The following WRNIP1 variants were observed in gnomAD, a reference collection of about 807,000 sequenced individuals.
WRNIP1 encodes WRN helicase interacting protein 1, also known as ATPase WRNIP1.
WRNIP1 carries 41 observed loss-of-function variants against 56.1 expected under a neutral mutation model. The observed-to-expected ratio is 0.73, with a 90% CI of 0.57 to 0.95. The LOEUF (loss-of-function observed/expected upper bound fraction) is 0.95, where lower values mean the gene tolerates loss of function less well. WRNIP1 is among the 40% of genes least tolerant of loss of function. WRNIP1 has a pLI of 0.00. For synonymous variants in WRNIP1, 547 were observed against 398.1 expected (o/e 1.37, Z -4.45); for missense variants, 1,170 against 939.4 (o/e 1.25, Z -3.21).
At chr6:2,781,986 G>T (rs942399244) in intron 4 of WRNIP1, among the ~76,000 whole-genome samples, 1 of 152,238 alleles carries the variant, frequency 6.6e-6, no homozygotes, top group African/African-American at 2.4e-5. Flanking sequence ...TATACTGGTG[G>T]TATTGCCCCT....
chr6:2,779,539 G>A (rs1206979677), intron 4 of WRNIP1, 47 bp downstream of exon 4: 1 of 1,564,526 alleles, frequency 6.4e-7, no homozygotes, highest in Non-Finnish European at 8.7e-7. Flanking sequence ...GGAAAGAAGT[G>A]TGTGCACACA....
chr6:2,772,998 G>A, intron 3 of WRNIP1: 1 of 985,398 alleles, frequency 1.0e-6, no homozygotes, highest in East Asian at 1.1e-4. Context: ...ATAGCAACTA[G>A]AACATTTACA....
rs767042367 is a variant in WRNIP1 at position 2,770,151 on chromosome 6, C to T, written c.1046C>T (p.Thr349Met). The T allele has an allele frequency of 8.1e-6, 13 of 1,614,088 alleles. No individual in the cohort carries two copies. The highest frequency in any genetic ancestry group is 5.3e-5 in the African/African-American group (4 of 74,942). ...DTFLPHVECGTITLIGATTEN... is the reference protein window; with the variant it reads ...DTFLPHVECGMITLIGATTEN... ...TTCCTTCCTCACGTGGAATGTGGGA[C>T]GATCACTCTGATTGGGGCAACCACT... Residue 349 changes from threonine to methionine, a missense_variant, in exon 3 of 7, where the codon ACG becomes ATG. Transcript: ENST00000380773.
In WRNIP1 at chr6:2,773,607, G is replaced by A. The variant is rs1369361489; in HGVS notation, c.1256+3246G>A. 3.0e-6 allele frequency: 3 copies of A among 985,296 alleles called. No individual in the cohort carries two copies. The East Asian group carries it at 3.4e-4, about 112-fold the overall frequency. The allele number at this position is 985,296 out of a possible 1,614,324, so 61.0% of individuals were successfully genotyped here. On this transcript the variant is annotated intron_variant, in intron 3 of 6. Coordinates refer to ENST00000380773, the MANE Select transcript of WRNIP1 (RefSeq NM_020135.3). ...ATTCTGTCTGCTCTGGGTTAATTTT[G>A]GAGGCCAGGAAAAAAATGTCCATGA...
At chr6:2,779,157 T>G in intron 3 of WRNIP1, 106 bp from the exon 4 acceptor site, 3 of 1,197,590 alleles carry the variant, frequency 2.5e-6, no homozygotes, top group South Asian at 2.8e-5. Context: ...GCAAAGGCCT[T>G]GAACTCTTCA....
chr6:2,766,243 C>A lies in WRNIP1; in HGVS notation c.621C>A (p.Arg207=), dbSNP rs998069588. Reference sequence around the variant, plus strand: ...CCTTCGGGGCCAGTGGCGGGGGCCGCCCGCACCCCCGGGCGCTGGCTGCCG... The same window carrying A: ...CCTTCGGGGCCAGTGGCGGGGGCCGACCGCACCCCCGGGCGCTGGCTGCCG... ...ATAFGASGGG[R]PHPRALAAEE... The change falls in exon 1 of 7, where the codon CGC becomes CGA. Residue 207 remains arginine, a synonymous_variant. Coordinates refer to ENST00000380773, the MANE Select transcript of WRNIP1 (RefSeq NM_020135.3). 4 of 1,489,140 alleles carry A rather than the reference C, an allele frequency of 2.7e-6. No homozygotes were observed. 92.2% of individuals were successfully genotyped at this position (1,489,140 alleles called of 1,614,324 possible). A position where few individuals can be genotyped will look rare whatever the true frequency, so the allele number is the denominator to read the frequency against.
At chr6:2,766,506 T>C in intron 1 of WRNIP1, 62 bp downstream of exon 1, 1 of 1,439,752 alleles carries the variant, frequency 6.9e-7, no homozygotes. Flanking sequence ...CAGCTGATGG[T>C]CGGAGAGCCG....
At chr6:2,774,370 G>A (rs918153288) in intron 3 of WRNIP1, 10 of 787,696 alleles carry the variant, frequency 1.3e-5, no homozygotes, top group African/African-American at 1.9e-5. Flanking sequence ...CAGAATCAAG[G>A]TATCAACAAG....
At position 2,779,265 on chromosome 6, in the gene WRNIP1, C is replaced by A; in HGVS notation, c.1259C>A (p.Pro420His). Residue 420 changes from proline to histidine, a missense_variant and splice_region_variant, in exon 4 of 7, where the codon CCC (proline) becomes CAC (histidine). Pro to His is a moderately conservative substitution (Grantham distance 77). Transcript: ENST00000380773. ...AACTAACCCTGCTTGTGTTTCAGGC[C>A]CGCCATGTTCATAGAGGATAAAGCA... ...LSHSSNSSSE[P>H]AMFIEDKAVD... 6.2e-7 allele frequency: 1 copy of A among 1,614,012 alleles called. No individual in the cohort carries two copies. The highest frequency in any genetic ancestry group is 1.1e-5 in the South Asian group (1 of 91,042).
At position 2,765,724 on chromosome 6, in the gene WRNIP1, G is replaced by C; in HGVS notation, c.102G>C (p.Ser34=). 4 of 1,534,764 alleles carry C rather than the reference G, an allele frequency of 2.6e-6. No individual in the cohort carries two copies. Among genetic ancestry groups the C allele is most frequent in the Non-Finnish European group, 3.5e-6 (4 of 1,149,030 alleles). Residue 34 remains serine (S), a synonymous_variant, in exon 1 of 7, where the codon TCG becomes TCC. Transcript: ENST00000380773. The part of the protein sequence containing the change: ...QQMMPAAHIN[S]HLDRCLLLHP... ...TGATGCCCGCCGCGCACATCAACTCGCACCTGGACCGCTGTCTGCTGCTCC... is the reference window on the plus strand; with the variant it reads ...TGATGCCCGCCGCGCACATCAACTCCCACCTGGACCGCTGTCTGCTGCTCC...
At chr6:2,774,884 A>G (rs897700088) in intron 3 of WRNIP1, among the ~76,000 whole-genome samples, 2 of 152,212 alleles carry the variant, frequency 1.3e-5, no homozygotes, top group East Asian at 3.8e-4. Context: ...ATGCTGTTGC[A>G]CAGTCTGATG....
At chr6:2,784,674 C>T (rs1403813041) in intron 6 of WRNIP1, among the ~76,000 whole-genome samples, 1 of 152,160 alleles carries the variant, frequency 6.6e-6, no homozygotes, top group Non-Finnish European at 1.5e-5. Flanking sequence ...GTTAAAGGAG[C>T]TGAACAGCAA....
intron 3 of WRNIP1, chr6:2,773,934 T>TG: frequency 1.0e-6 from 1 of 985,222 alleles, no homozygotes; most frequent in Non-Finnish European, 1.2e-6. Flanking sequence ...GTGGCGTAAC[T>TG]GGGTGTGGGG....
chr6:2,782,130 C>G (rs1765575642), intron 4 of WRNIP1, among the ~76,000 whole-genome samples: 1 of 152,244 alleles, frequency 6.6e-6, no homozygotes, highest in Admixed American at 6.5e-5. Flanking sequence ...TACCCTCTTC[C>G]CCGCCTTCCT....
At chr6:2,768,391 C>G (rs956327978) in intron 1 of WRNIP1, among the ~76,000 whole-genome samples, 1 of 152,172 alleles carries the variant, frequency 6.6e-6, no homozygotes, top group Non-Finnish European at 1.5e-5. Context: ...CCGTTCTTTA[C>G]TGGGATTCCA....
chr6:2,767,512 G>C (rs112821506), intron 1 of WRNIP1, among the ~76,000 whole-genome samples: 2 of 152,256 alleles, frequency 1.3e-5, no homozygotes, highest in African/African-American at 4.8e-5. Flanking sequence ...GTGCCTTCTT[G>C]TTTGCACTCA....
Position 2,785,083 on chromosome 6 carries a change from T to A in WRNIP1, c.1799T>A (p.Val600Asp). The change falls in exon 7 of 7, where the codon GTC becomes GAC. Residue 600 changes from valine (V) to aspartate (D), a missense_variant. Transcript: ENST00000380773. The stretch of plus-strand genomic sequence containing the variant: ...GAGGTGTACAGCGCCTACAACAACG[T>A]CAAAGCCTGCCTGAGGAACCACCAG... ...SIEVYSAYNN[V>D]KACLRNHQGP... 1 of 1,614,154 alleles carries A rather than the reference T, an allele frequency of 6.2e-7. No individual in the cohort carries two copies. Among genetic ancestry groups the A allele is most frequent in the Non-Finnish European group, 8.5e-7 (1 of 1,180,024 alleles).
chr6:2,768,644 CTG>C (rs774332632), intron 1 of WRNIP1, 45 bp from the exon 2 acceptor site: 5 of 1,523,702 alleles, frequency 3.3e-6, no homozygotes, highest in Admixed American at 4.1e-5. Flanking sequence ...GCTGGTCTCT[CTG>C]TGTCTTACCA....
In WRNIP1 at chr6:2,783,547, C is replaced by A; in HGVS notation, c.1628C>A (p.Ala543Asp). Reference sequence around the variant, plus strand: ...GTGGCACGGAGGCTTGTCAGGTTTGCCAGCGAGGACATAGGTGAGTGTGAT... The same window carrying A: ...GTGGCACGGAGGCTTGTCAGGTTTGACAGCGAGGACATAGGTGAGTGTGAT... ...LYVARRLVRF[A>D]SEDIGLADPS... Residue 543 changes from alanine (A) to aspartate (D), a missense_variant, in exon 5 of 7, where the codon GCC becomes GAC. Coordinates refer to ENST00000380773, the MANE Select transcript of WRNIP1 (RefSeq NM_020135.3). The A allele has an allele frequency of 6.2e-7, 1 of 1,610,196 alleles. No individual in the cohort carries two copies. The highest frequency in any genetic ancestry group is 1.1e-5 in the South Asian group (1 of 90,640).
Sources: gnomAD v4.1 joint callset for allele counts (sites outside exome capture counted in the v4.1 genomes callset) on GRCh38, gnomAD v4.1.1 for gene constraint, MANE v1.5 for transcripts, NCBI Gene and HGNC (gene_info 2026-07-23, HGNC 2026-07-21) for gene names.